FBXO8: variants seen among roughly 807,000 people sequenced by gnomAD.
FBXO8 encodes the protein F-box only protein 8.
FBXO8 carries 15 observed loss-of-function variants against 33.4 expected under a neutral mutation model. The ratio of observed to expected loss-of-function variants is 0.45; its 90% CI spans 0.30 to 0.69. FBXO8 has a LOEUF of 0.69. Among genes scored for constraint, FBXO8 ranks in the 30% least tolerant of loss-of-function variants. FBXO8 has a pLI of 0.08. For missense variants in FBXO8, 274 were observed against 380.3 expected, an observed-to-expected ratio of 0.72 and a Z score of 2.32; for synonymous variants, 132 against 131.5, an observed-to-expected ratio of 1.00 and a Z score of -0.02.
In FBXO8 at chr4:174,252,898, G is replaced by T. The variant is rs547003492; in HGVS notation, c.456+6801C>A. On this transcript the variant is annotated intron_variant, in intron 3 of 5. Coordinates refer to ENST00000393674, the MANE Select transcript of FBXO8 (RefSeq NM_012180.3). This position sits in a 1 kb window ranked among gnomAD's most constrained non-coding sequence, Gnocchi z 5.1. Reference sequence around the variant, plus strand: ...AGGCACAAGAATTACCTGAGCCCGGGAGGTGGTGATTGCAGTGAGCCAAGA... The same window carrying T: ...AGGCACAAGAATTACCTGAGCCCGGTAGGTGGTGATTGCAGTGAGCCAAGA... Among the ~76,000 whole-genome samples, 8 of 152,196 alleles carry T rather than the reference G, an allele frequency of 5.3e-5. No homozygotes were observed. The highest frequency in any genetic ancestry group is 1.9e-4 in the African/African-American group (8 of 41,524).
chr4:174,248,363 A>G (rs1736206477), intron 3 of FBXO8, among the ~76,000 whole-genome samples: 1 of 152,086 alleles, frequency 6.6e-6, no homozygotes, highest in African/African-American at 2.4e-5. Context: ...TAAAAAGATT[A>G]TAAGAGTACT....
At chr4:174,258,608 G>C (rs185291497) in intron 3 of FBXO8, among the ~76,000 whole-genome samples, 138 of 151,974 alleles carry the variant, frequency 9.1e-4, no homozygotes, top group African/African-American at 3.3e-3. Context: ...GACTTAACTG[G>C]TAAGAAGTGT....
In FBXO8 at chr4:174,274,069, G is replaced by T. The variant is rs1226426220; in HGVS notation, c.-9+9341C>A. On this transcript the variant is annotated intron_variant, in intron 1 of 5. Coordinates refer to ENST00000393674, the MANE Select transcript of FBXO8 (RefSeq NM_012180.3). The surrounding 1 kb of genome is among the most constrained non-coding windows in gnomAD (Gnocchi z 4.0). ...CCGCTGGAGCCCATGGATGACAAAAGCAATTTACCATCTGTTTCTTCACCA... is the reference window on the plus strand; with the variant it reads ...CCGCTGGAGCCCATGGATGACAAAATCAATTTACCATCTGTTTCTTCACCA... Among the ~76,000 whole-genome samples, 1 of 152,104 alleles carries T rather than the reference G, an allele frequency of 6.6e-6. No individual in the cohort carries two copies. Among genetic ancestry groups the T allele is most frequent in the Non-Finnish European group, 1.5e-5 (1 of 68,014 alleles).
In FBXO8 at chr4:174,267,272, G is replaced by A. The variant is rs1213431267; in HGVS notation, c.-8-4172C>T. 6.6e-6 allele frequency among the ~76,000 whole-genome samples: 1 copy of A among 152,304 alleles called. No individual in the cohort carries two copies. Among genetic ancestry groups the A allele is most frequent in the East Asian group, 1.9e-4 (1 of 5,186 alleles). On this transcript the variant is annotated intron_variant, in intron 1 of 5. Coordinates refer to ENST00000393674, the MANE Select transcript of FBXO8 (RefSeq NM_012180.3). This position sits in a 1 kb window ranked among gnomAD's most constrained non-coding sequence, Gnocchi z 4.7. ...TAATAATCTGTCAAGATGTGGCTAG[G>A]TATGGTGACTCATGTCTGTAATCCC...
chr4:174,256,748 T>C lies in FBXO8; in HGVS notation c.456+2951A>G, dbSNP rs182072869. Among the ~76,000 whole-genome samples the C allele has an allele frequency of 2.0e-4, 31 of 152,284 alleles. No individual in the cohort carries two copies. Among genetic ancestry groups the C allele is most frequent in the African/African-American group, 7.5e-4 (31 of 41,578 alleles). ...CATTTTCTTTTGCTATTAGGTAACA[T>C]CTGCTAAATTACATGTTCATAAAAG... On this transcript the variant is annotated intron_variant, in intron 3 of 5. Coordinates refer to ENST00000393674, the MANE Select transcript of FBXO8 (RefSeq NM_012180.3). This position sits in a 1 kb window ranked among gnomAD's most constrained non-coding sequence, Gnocchi z 4.6.
intron 3 of FBXO8, among the ~76,000 whole-genome samples, chr4:174,246,257 C>A (rs1384544545): frequency 2.0e-5 from 3 of 151,894 alleles, no homozygotes; most frequent in African/African-American, 7.3e-5. Flanking sequence ...ATGATATGAA[C>A]ATAAACAATC....
chr4:174,282,234 C>G (rs1737116322), intron 1 of FBXO8, among the ~76,000 whole-genome samples: 1 of 152,188 alleles, frequency 6.6e-6, no homozygotes. Context: ...TTTGGCTTAT[C>G]TAGAAGTTAC....
Position 174,272,336 on chromosome 4 carries a change from T to C in FBXO8, c.-8-9236A>G, listed in dbSNP as rs994372946. 8.5e-5 allele frequency among the ~76,000 whole-genome samples: 13 copies of C among 152,212 alleles called. No individual in the cohort carries two copies. The highest frequency in any genetic ancestry group is 8.5e-4 in the Admixed American group (13 of 15,284). On this transcript the variant is annotated intron_variant, in intron 1 of 5. Transcript: ENST00000393674. This position sits in a 1 kb window ranked among gnomAD's most constrained non-coding sequence, Gnocchi z 4.7. The stretch of plus-strand genomic sequence containing the variant: ...ATCCTCCTGTATACTTTAAATCATC[T>C]CTAGATTACTTATAACATCCAATAA...
intron 1 of FBXO8, chr4:174,269,154 T>G (rs974653628): frequency 6.6e-6 from 1 of 152,198 alleles, no homozygotes; most frequent in African/African-American, 2.4e-5. Context: ...AAACCAAACA[T>G]GTTTTTTCTT....
chr4:174,268,010 T>C (rs1309618795), intron 1 of FBXO8, among the ~76,000 whole-genome samples: 5 of 152,262 alleles, frequency 3.3e-5, no homozygotes, highest in Non-Finnish European at 5.9e-5. Flanking sequence ...GATATTTATT[T>C]CTTTGAAAAA....
At position 174,259,174 on chromosome 4, in the gene FBXO8, C is replaced by G. The variant is rs1579028406; in HGVS notation, c.456+525G>C. On this transcript the variant is annotated intron_variant, in intron 3 of 5. Transcript: ENST00000393674. The surrounding 1 kb of genome is among the most constrained non-coding windows in gnomAD (Gnocchi z 4.3). ...TTAAGAAAGAATTAAATAATTAATA[C>G]AAAATTATTCAATTTTATAACAATC... Among the ~76,000 whole-genome samples the G allele has an allele frequency of 1.3e-5, 2 of 151,920 alleles. No homozygotes were observed. Among genetic ancestry groups the G allele is most frequent in the East Asian group, 3.9e-4 (2 of 5,180 alleles).
rs569204793 is a variant in FBXO8, at chr4:174,252,481, G to A, written c.456+7218C>T. Among the ~76,000 whole-genome samples the A allele has an allele frequency of 6.6e-6, 1 of 152,220 alleles. No individual in the cohort carries two copies. The highest frequency in any genetic ancestry group is 1.5e-5 in the Non-Finnish European group (1 of 68,008). On this transcript the variant is annotated intron_variant, in intron 3 of 5. Coordinates refer to ENST00000393674, the MANE Select transcript of FBXO8 (RefSeq NM_012180.3). The surrounding 1 kb of genome is among the most constrained non-coding windows in gnomAD (Gnocchi z 5.1). ...AACTAATATGGCTCCAGGTTGTTGG[G>A]CTCACAGATAGCATCACAGACCCAA...
intron 3 of FBXO8, among the ~76,000 whole-genome samples, chr4:174,249,989 T>C (rs1287114114): frequency 6.6e-6 from 1 of 152,022 alleles, no homozygotes; most frequent in South Asian, 2.1e-4. Context: ...AGGAAGAACG[T>C]CAAGGCCTAG....
In FBXO8 at chr4:174,236,894, TTC is replaced by T. The variant is rs1207438021; in HGVS notation, c.*516_*517del. On this transcript the variant is annotated 3_prime_UTR_variant, in exon 6 of 6. Transcript: ENST00000393674. The stretch of plus-strand genomic sequence containing the variant: ...AAAGGAAAAGGAAGCTGGTATTGGT[TTC>T]TGTCTGAAGTCAGATCTAACTTTTA... 2.0e-5 allele frequency: 3 copies of T among 152,134 alleles called. No individual in the cohort carries two copies. The highest frequency in any genetic ancestry group is 7.2e-5 in the African/African-American group (3 of 41,448). 9.4% of individuals were successfully genotyped at this position (152,134 alleles called of 1,614,324 possible). A position where few individuals can be genotyped will look rare whatever the true frequency, so the allele number is the denominator to read the frequency against.
intron 1 of FBXO8, among the ~76,000 whole-genome samples, chr4:174,271,012 T>C (rs1363119708): frequency 6.6e-6 from 1 of 152,176 alleles, no homozygotes; most frequent in East Asian, 1.9e-4. Flanking sequence ...TTTGAAACAA[T>C]CTTTTATGGA....
intron 3 of FBXO8, among the ~76,000 whole-genome samples, chr4:174,246,540 T>C (rs1192056674): frequency 2.0e-5 from 3 of 151,494 alleles, no homozygotes; most frequent in Non-Finnish European, 4.4e-5. Context: ...TTGAAAAATA[T>C]ATTAGTACAA....
At chr4:174,258,136 T>A (rs1341464202) in intron 3 of FBXO8, among the ~76,000 whole-genome samples, 2 of 152,198 alleles carry the variant, frequency 1.3e-5, no homozygotes, top group African/African-American at 4.8e-5. Flanking sequence ...TCTCTATAAC[T>A]GTGCCATCAT....
chr4:174,259,851 A>T lies in FBXO8; in HGVS notation c.330-26T>A. ...CTATAAAATCAGAGAAAATGAGACAAGAAAACATTACTACATTTAATTTCC... is the reference window on the plus strand; with the variant it reads ...CTATAAAATCAGAGAAAATGAGACATGAAAACATTACTACATTTAATTTCC... On this transcript the variant is annotated intron_variant, in intron 2 of 5. Coordinates refer to ENST00000393674, the MANE Select transcript of FBXO8 (RefSeq NM_012180.3). The surrounding 1 kb of genome is among the most constrained non-coding windows in gnomAD (Gnocchi z 4.3). 6.4e-7 allele frequency: 1 copy of T among 1,558,072 alleles called. No individual in the cohort carries two copies. Among genetic ancestry groups the T allele is most frequent in the Non-Finnish European group, 8.6e-7 (1 of 1,160,030 alleles).
Position 174,256,622 on chromosome 4 carries a change from T to G in FBXO8, c.456+3077A>C, listed in dbSNP as rs116467826. On this transcript the variant is annotated intron_variant, in intron 3 of 5. Transcript: ENST00000393674. The surrounding 1 kb of genome is among the most constrained non-coding windows in gnomAD (Gnocchi z 4.6). Reference sequence around the variant, plus strand: ...AGTCAATGAAAGAAAGTACAGAATATAGTCACTGAACTACTTCCCCTCATT... The same window carrying G: ...AGTCAATGAAAGAAAGTACAGAATAGAGTCACTGAACTACTTCCCCTCATT... Among the ~76,000 whole-genome samples, 258 of 152,306 alleles carry G rather than the reference T, an allele frequency of 1.7e-3. 2 individuals carry two copies. The highest frequency in any genetic ancestry group is 5.7e-3 in the African/African-American group (237 of 41,554).
Sources: gnomAD v4.1 joint callset for allele counts (sites outside exome capture counted in the v4.1 genomes callset) on GRCh38, gnomAD v4.1.1 for gene constraint, Gnocchi (gnomAD v3.1) non-coding constraint, MANE v1.5 for transcripts, NCBI Gene and HGNC (gene_info 2026-07-23, HGNC 2026-07-21) for gene names.